Variants in IL1RL1 observed in about 807,000 individuals in gnomAD.
IL1RL1 encodes the protein interleukin 1 receptor like 1.
In IL1RL1, 32 loss-of-function variants were observed where a neutral mutation model predicts 50.9. That is an observed-to-expected ratio of 0.63 (90% CI 0.47 to 0.84). The LOEUF (loss-of-function observed/expected upper bound fraction) is 0.84. Ranked by LOEUF, IL1RL1 falls within the 40% of genes least tolerant of loss-of-function variation. The pLI is 0.00. For missense variants in IL1RL1, 773 were observed against 662.9 expected (o/e 1.17, Z -1.82); for synonymous variants, 275 against 236.0 (o/e 1.17, Z -1.51).
chr2:102,338,412 C>G (rs758635910), intron 2 of IL1RL1, 87 bp downstream of exon 2: 421 of 677,276 alleles, frequency 6.2e-4, no homozygotes, highest in Non-Finnish European at 9.1e-4. Context: ...AGTTTGCTTC[C>G]AGTTGTTCCA....
intron 8 of IL1RL1, chr2:102,345,867 A>G: frequency 2.0e-6 from 2 of 985,424 alleles, no homozygotes; most frequent in Non-Finnish European, 2.4e-6. Flanking sequence ...TAGACCCTGC[A>G]GCCATCCATC....
intron 1 of IL1RL1, among the ~76,000 whole-genome samples, chr2:102,320,902 T>A (rs1428750064): frequency 1.3e-5 from 2 of 152,266 alleles, no homozygotes; most frequent in Non-Finnish European, 2.9e-5. Flanking sequence ...TGAGGTCATG[T>A]CACTCCTTAG....
At chr2:102,340,927 T>C in intron 5 of IL1RL1, 99 bp downstream of exon 5, 1 of 869,208 alleles carries the variant, frequency 1.2e-6, no homozygotes. Context: ...TTCTCCCTCC[T>C]CCCTTTACTT....
Position 102,342,886 on chromosome 2 carries a change from A to G in IL1RL1, c.683-150A>G, listed in dbSNP as rs527406925. The G allele has an allele frequency of 1.1e-5, 8 of 721,734 alleles. No individual in the cohort carries two copies. In the Admixed American group the frequency reaches 1.8e-4, roughly 17 times the overall value. 44.7% of individuals were successfully genotyped at this position (721,734 alleles called of 1,614,324 possible). On this transcript the variant is annotated intron_variant, in intron 6 of 10. Transcript: ENST00000233954. ...AAGCAGGGAGGAGGCAAGAGAGGAC[A>G]TAGAAAGAGGAAGGTGCTAGAGATG... is the stretch of plus-strand genomic sequence containing the variant.
chr2:102,312,999 G>A (rs1210403097), intron 1 of IL1RL1: 2 of 151,896 alleles, frequency 1.3e-5, no homozygotes, highest in African/African-American at 4.8e-5. Flanking sequence ...CATTGTTCCT[G>A]AATACCATTG....
intron 5 of IL1RL1, chr2:102,341,350 G>T: frequency 8.2e-7 from 1 of 1,212,124 alleles, no homozygotes; most frequent in Non-Finnish European, 1.1e-6. Context: ...CATCATCAAT[G>T]GCCTTGAGTA....
chr2:102,349,366 G>C (rs1345393843), intron 10 of IL1RL1, 120 bp downstream of exon 10: 1 of 734,138 alleles, frequency 1.4e-6, no homozygotes, highest in Non-Finnish European at 2.3e-6. Flanking sequence ...CTTAAGACCA[G>C]AACTTTAAAT....
At chr2:102,348,460 G>A (rs2104999614) in intron 9 of IL1RL1, among the ~76,000 whole-genome samples, 1 of 152,270 alleles carries the variant, frequency 6.6e-6, no homozygotes, top group East Asian at 1.9e-4. Flanking sequence ...CCAGATGTGA[G>A]CAGGTTAGAA....
chr2:102,327,687 C>T (rs1489326779), intron 1 of IL1RL1, among the ~76,000 whole-genome samples: 1 of 152,164 alleles, frequency 6.6e-6, no homozygotes, highest in Non-Finnish European at 1.5e-5. Context: ...CCACCGATCC[C>T]ACAGAAATAC....
intron 1 of IL1RL1, among the ~76,000 whole-genome samples, chr2:102,311,932 TTA>T (rs576978875): frequency 0.081 from 2,865 of 35,444 alleles, 501 homozygotes; most frequent in African/African-American, 0.3. Context: ...ATAATATATA[TTA>T]TATATAATAT....
intron 1 of IL1RL1, among the ~76,000 whole-genome samples, chr2:102,311,972 TTA>T (rs1491210976): frequency 1.1e-4 from 2 of 17,898 alleles, no homozygotes; most frequent in South Asian, 9.2e-4. Flanking sequence ...ATATATAATA[TTA>T]TATATAATAT....
intron 1 of IL1RL1, among the ~76,000 whole-genome samples, chr2:102,335,107 T>C (rs941543209): frequency 1.3e-5 from 2 of 152,214 alleles, no homozygotes; most frequent in East Asian, 1.9e-4. Context: ...GGAAGATTTC[T>C]GATTAAGTTG....
chr2:102,340,267 T>C lies in IL1RL1; in HGVS notation c.442T>C (p.Phe148Leu), dbSNP rs1315520766. ...CAACTGGACAGCACCTCTTGAGTGG[T>C]TTAAGGTAAGAAGAAATTTGGAAGG... is the stretch of plus-strand genomic sequence containing the variant. ...LYNWTAPLEW[F>L]KNCQALQGSR... is the part of the protein sequence containing the mutation. Residue 148 changes from phenylalanine to leucine, a missense_variant, in exon 4 of 11, where the codon TTT becomes CTT. Phe to Leu is a conservative substitution (Grantham distance 22). Coordinates refer to ENST00000233954, the MANE Select transcript of IL1RL1 (RefSeq NM_016232.5). The C allele has an allele frequency of 6.3e-7, 1 of 1,584,206 alleles. No homozygotes were observed. Among genetic ancestry groups the C allele is most frequent in the Non-Finnish European group, 8.5e-7 (1 of 1,172,640 alleles).
chr2:102,342,283 A>T lies in IL1RL1; in HGVS notation c.671A>T (p.Glu224Val). The T allele has an allele frequency of 6.2e-7, 1 of 1,607,890 alleles. No individual in the cohort carries two copies. The highest frequency in any genetic ancestry group is 8.5e-7 in the Non-Finnish European group (1 of 1,174,546). Residue 224 changes from glutamate to valine, a missense_variant, in exon 6 of 11, where the codon GAA (glutamate) becomes GTA (valine). Physicochemically the swap from Glu to Val is moderately radical, Grantham distance 121. Transcript: ENST00000233954. ...GCCCCTGCACAAAATGAAATAAAGG[A>T]AGTGGAAATTGGTAAGAAAATTTAT... is the stretch of plus-strand genomic sequence containing the variant. Reference protein sequence around the residue: ...IGAPAQNEIKEVEIGKNANLT... With the variant: ...IGAPAQNEIKVVEIGKNANLT...
At chr2:102,326,041 A>G (rs988491096) in intron 1 of IL1RL1, among the ~76,000 whole-genome samples, 19 of 152,180 alleles carry the variant, frequency 1.2e-4, no homozygotes, top group Non-Finnish European at 2.6e-4. Flanking sequence ...ACTCCAAGAC[A>G]CATAATTGTC....
downstream of IL1RL1, chr2:102,352,116 C>T (rs1677953674): frequency 9.4e-6 from 5 of 534,456 alleles, no homozygotes; most frequent in Non-Finnish European, 1.6e-5. Flanking sequence ...TCTCCTCAAT[C>T]CTCCACCATC....
intron 1 of IL1RL1, among the ~76,000 whole-genome samples, chr2:102,314,503 C>CT (rs528781235): frequency 1.8e-4 from 27 of 152,262 alleles, no homozygotes; most frequent in Non-Finnish European, 3.5e-4. Context: ...GACTTGATAA[C>CT]TTATCAGTTG....
chr2:102,336,945 G>T (rs1035614368), intron 1 of IL1RL1, among the ~76,000 whole-genome samples: 1 of 152,144 alleles, frequency 6.6e-6, no homozygotes, highest in Non-Finnish European at 1.5e-5. Context: ...ATCTGGAAAG[G>T]CAGCCTCCAG....
Position 102,340,930 on chromosome 2 carries a change from C to G in IL1RL1, c.610+102C>G, listed in dbSNP as rs1051671474. On this transcript the variant is annotated intron_variant, in intron 5 of 10. Transcript: ENST00000233954. ...GGTTTCTTGCACTTCTCCCTCCTCC[C>G]TTTACTTCCTCCTGCTCCATCTTAT... is the stretch of plus-strand genomic sequence containing the variant. The G allele has an allele frequency of 6.9e-6, 6 of 866,198 alleles. No homozygotes were observed. The African/African-American group carries it at 1.1e-4, about 15-fold the overall frequency. The allele number at this position is 866,198 out of a possible 1,614,324, so 53.7% of individuals were successfully genotyped here. A position where few individuals can be genotyped will look rare whatever the true frequency, so the allele number is the denominator to read the frequency against.
Sources: gnomAD v4.1 joint callset for allele counts (sites outside exome capture counted in the v4.1 genomes callset) on GRCh38, gnomAD v4.1.1 for gene constraint, MANE v1.5 for transcripts, NCBI Gene and HGNC (gene_info 2026-07-23, HGNC 2026-07-21) for gene names.